Variants in ZMYND8 observed in about 807,000 individuals in gnomAD.
The protein encoded by ZMYND8 is MYND-type zinc finger-containing chromatin reader ZMYND8.
Under a neutral mutation model 140.8 loss-of-function variants are expected in ZMYND8, and 37 were observed. The ratio of observed to expected loss-of-function variants is 0.26; its 90% CI spans 0.20 to 0.35. The LOEUF is 0.35. Ranked by LOEUF, ZMYND8 falls within the 10% of genes least tolerant of loss-of-function variation. The pLI is 1.00. For synonymous variants in ZMYND8, 592 were observed against 597.1 expected, an observed-to-expected ratio of 0.99 and a Z score of 0.12; for missense variants, 1,068 against 1,570.0, an observed-to-expected ratio of 0.68 and a Z score of 5.40.
intron 11 of ZMYND8, among the ~76,000 whole-genome samples, chr20:47,266,993 G>A (rs1176305803): frequency 6.6e-6 from 1 of 152,178 alleles, no homozygotes; most frequent in Non-Finnish European, 1.5e-5. Context: ...ATAGGCAAGA[G>A]GTAGAAACAA....
At position 47,249,607 on chromosome 20, in the gene ZMYND8, G is replaced by A. The variant is rs375824732; in HGVS notation, c.1622-168C>T. The stretch of plus-strand genomic sequence containing the variant: ...TATCATCTGCTCAACCAAATGGGGT[G>A]ACATGAAGATAATGGCCCACGTGAA... On this transcript the variant is annotated intron_variant, in intron 12 of 22. Coordinates refer to ENST00000471951, the MANE Select transcript of ZMYND8 (RefSeq NM_001281775.3). 1.6e-3 allele frequency among the ~76,000 whole-genome samples: 237 copies of A among 152,300 alleles called. 1 individual carries two copies. Among genetic ancestry groups the A allele is most frequent in the South Asian group, 0.012 (60 of 4,816 alleles).
chr20:47,332,561 T>C (rs946546067), intron 2 of ZMYND8, among the ~76,000 whole-genome samples: 2 of 151,782 alleles, frequency 1.3e-5, no homozygotes, highest in African/African-American at 4.8e-5. Flanking sequence ...AATTAAAGAA[T>C]TAGTCAGGCA....
At chr20:47,258,713 G>A (rs1466229155) in intron 12 of ZMYND8, among the ~76,000 whole-genome samples, 3 of 152,046 alleles carry the variant, frequency 2.0e-5, no homozygotes, top group African/African-American at 7.2e-5. Flanking sequence ...GGGGAAAGTC[G>A]TTCCACGGCT....
rs374850992 is a variant in ZMYND8 at position 47,246,010 on chromosome 20, T to C, written c.2282A>G (p.Asp761Gly). The change falls in exon 14 of 23, where the codon GAT becomes GGT. Residue 761 changes from aspartate (D) to glycine (G), a missense_variant and splice_region_variant. Transcript: ENST00000471951. Reference sequence around the variant, plus strand: ...TGGAAACAGATACAATCACTTACCATCCTGTTTGGGAGATGGTTCTTTGGG... The same window carrying C: ...TGGAAACAGATACAATCACTTACCACCCTGTTTGGGAGATGGTTCTTTGGG... ...KEPKEPSPKQ[D>G]VVGKTPPSTT... 5.0e-5 allele frequency: 79 copies of C among 1,589,354 alleles called. No homozygotes were observed. The highest frequency in any genetic ancestry group is 6.5e-5 in the Non-Finnish European group (76 of 1,170,420).
intron 1 of ZMYND8, 189 bp from the exon 2 acceptor site, chr20:47,348,115 C>T: frequency 1.6e-6 from 1 of 624,798 alleles, no homozygotes; most frequent in Non-Finnish European, 2.8e-6. Context: ...TTTTAAAACA[C>T]TAGGTTGTTC....
In ZMYND8 at chr20:47,212,682, G is replaced by A; in HGVS notation, c.3528C>T (p.Thr1176=). ...CDKQPAYAPT[T]TDHQPHPNYP... ...AGTTGGGGTGCGGCTGGTGGTCTGT[G>A]GTGGTTGGGGCATAGGCAGGTTGCT... Residue 1176 remains threonine, a synonymous_variant, in exon 22 of 23, where the codon ACC becomes ACT. Coordinates refer to ENST00000471951, the MANE Select transcript of ZMYND8 (RefSeq NM_001281775.3). 1 of 1,613,964 alleles carries A rather than the reference G, an allele frequency of 6.2e-7. No individual in the cohort carries two copies. The highest frequency in any genetic ancestry group is 8.5e-7 in the Non-Finnish European group (1 of 1,179,920).
intron 2 of ZMYND8, 114 bp downstream of exon 2, chr20:47,347,739 CAAG>C (rs1232107698): frequency 4.1e-6 from 4 of 980,736 alleles, no homozygotes; most frequent in Non-Finnish European, 6.2e-6. Context: ...TCTGAAAATC[CAAG>C]AAGAGTTACA....
Position 47,246,327 on chromosome 20 carries a change from CTTT to C in ZMYND8, c.1962_1964del (p.Lys655del). On this transcript the variant is annotated inframe_deletion, in exon 14 of 23. Transcript: ENST00000471951. ...TCTCCACTGGGTTTGTAGGCTTGGG[CTTT>C]TTTTTAACAGCAGATGGCTCTTTGT... is the stretch of plus-strand genomic sequence containing the variant. 1 of 1,613,848 alleles carries C rather than the reference CTTT, an allele frequency of 6.2e-7. No homozygotes were observed. Among genetic ancestry groups the C allele is most frequent in the Non-Finnish European group, 8.5e-7 (1 of 1,179,956 alleles).
chr20:47,324,941 G>C (rs2080287465), intron 2 of ZMYND8, among the ~76,000 whole-genome samples: 1 of 152,126 alleles, frequency 6.6e-6, no homozygotes, highest in South Asian at 2.1e-4. Flanking sequence ...GTCTCGCTCT[G>C]TTGCCCAAGC....
At position 47,229,744 on chromosome 20, in the gene ZMYND8, A is replaced by C. The variant is rs999900029; in HGVS notation, c.2919T>G (p.Thr973=). The C allele has an allele frequency of 2.5e-6, 4 of 1,613,488 alleles. No individual in the cohort carries two copies. The Admixed American group carries it at 6.7e-5, about 27-fold the overall frequency. The change falls in exon 17 of 23, where the codon ACT becomes ACG. Residue 973 remains threonine (T), a synonymous_variant. Transcript: ENST00000471951. ...CTCTGACCTCAGCTATTGTGCTTCC[A>C]GTAGTGTTTTTAGAAAGATCGTTGT... ...EIYNDLSKNT[T]GSTIAEIRRL...
chr20:47,324,485 C>G (rs1428632312), intron 2 of ZMYND8, among the ~76,000 whole-genome samples: 1 of 152,186 alleles, frequency 6.6e-6, no homozygotes, highest in African/African-American at 2.4e-5. Flanking sequence ...AGCCACTGCA[C>G]TCCAGCCTGG....
rs1285653312 is a variant in ZMYND8, at chr20:47,313,401, TTA to T, written c.86-3199_86-3198del. ...ACTTTGGGAGGCCAAGGCGGGCGGATTACAAAGTCAGGAGATCGAGACCATCC... is the reference window on the plus strand; with the variant it reads ...ACTTTGGGAGGCCAAGGCGGGCGGATCAAAGTCAGGAGATCGAGACCATCC... On this transcript the variant is annotated intron_variant, in intron 2 of 22. Coordinates refer to ENST00000471951, the MANE Select transcript of ZMYND8 (RefSeq NM_001281775.3). 6.6e-5 allele frequency among the ~76,000 whole-genome samples: 10 copies of T among 151,986 alleles called. No individual in the cohort carries two copies. In the East Asian group the frequency reaches 1.4e-3, roughly 21 times the overall value.
intron 2 of ZMYND8, among the ~76,000 whole-genome samples, chr20:47,324,080 T>C (rs1219440342): frequency 6.6e-6 from 1 of 151,044 alleles, no homozygotes; most frequent in Non-Finnish European, 1.5e-5. Context: ...AGGACGCCTG[T>C]AATCCCAGCT....
intron 12 of ZMYND8, among the ~76,000 whole-genome samples, chr20:47,261,592 C>CATT (rs1555939495): frequency 2.4e-4 from 20 of 82,134 alleles, no homozygotes; most frequent in African/African-American, 7.2e-4. Context: ...TCATCATCAT[C>CATT]ATCCAGGGAA....
rs752804918 is a variant in ZMYND8, at chr20:47,283,687, G to A, written c.805-39C>T. ...ATACATTAGAATGTGTCACCCCAGG[G>A]GTGGATATCTTGTGGACCTCAATCA... On this transcript the variant is annotated intron_variant, in intron 8 of 22. Transcript: ENST00000471951. 7 of 1,596,442 alleles carry A rather than the reference G, an allele frequency of 4.4e-6. No individual in the cohort carries two copies. The East Asian group carries it at 6.7e-5, about 15-fold the overall frequency.
chr20:47,279,842 G>A (rs2076494729), intron 10 of ZMYND8, among the ~76,000 whole-genome samples: 1 of 151,568 alleles, frequency 6.6e-6, no homozygotes, highest in Non-Finnish European at 1.5e-5. Context: ...ACAAAACCAG[G>A]CCAGGCACAG....
intron 11 of ZMYND8, among the ~76,000 whole-genome samples, chr20:47,271,496 CG>C (rs2075945288): frequency 6.6e-6 from 1 of 152,178 alleles, no homozygotes; most frequent in Non-Finnish European, 1.5e-5. Context: ...TGGAAAGAAA[CG>C]TATGTCTGCT....
At chr20:47,311,227 C>G (rs1345913184) in intron 2 of ZMYND8, among the ~76,000 whole-genome samples, 1 of 152,214 alleles carries the variant, frequency 6.6e-6, no homozygotes, top group Non-Finnish European at 1.5e-5. Flanking sequence ...CCAAAAAGAT[C>G]AATACAAATT....
intron 3 of ZMYND8, among the ~76,000 whole-genome samples, chr20:47,301,941 T>C (rs1016595742): frequency 2.0e-5 from 3 of 152,086 alleles, no homozygotes; most frequent in African/African-American, 7.2e-5. Context: ...TCACAAGATC[T>C]GATGGTTTTA....
Sources: allele counts gnomAD v4.1 joint callset (sites outside exome capture counted in the v4.1 genomes callset), GRCh38; gene constraint gnomAD v4.1.1; transcripts MANE v1.5; gene names NCBI Gene and HGNC (gene_info 2026-07-23, HGNC 2026-07-21).